MAG: variants seen among roughly 807,000 people sequenced by gnomAD.
MAG encodes the protein myelin-associated glycoprotein.
In MAG, 30 loss-of-function variants were observed where a neutral mutation model predicts 60.7. That is an observed-to-expected ratio of 0.49 (90% confidence interval 0.37 to 0.67). The LOEUF (loss-of-function observed/expected upper bound fraction) is 0.67, where lower values mean the gene tolerates loss of function less well. Ranked by LOEUF, MAG falls within the 30% of genes least tolerant of loss-of-function variation. MAG has a pLI of 0.00. For synonymous variants in MAG, 384 were observed against 376.8 expected (o/e 1.02, Z -0.22); for missense variants, 795 against 851.7 (o/e 0.93, Z 0.83).
chr19:35,300,346 C>T lies in MAG; in HGVS notation c.912C>T (p.Ala304=). 2 of 1,598,210 alleles carry T rather than the reference C, an allele frequency of 1.3e-6. No homozygotes were observed. The highest frequency in any genetic ancestry group is 1.1e-5 in the South Asian group (1 of 90,972). The part of the protein sequence containing the change: ...EVTPAEDGVY[A]CLAENAYGQD... ...CCCCCGCCGAAGACGGCGTCTATGC[C>T]TGCCTGGCCGAGAATGCCTATGGCC... The change falls in exon 6 of 11, where the codon GCC becomes GCT. Residue 304 remains alanine, a synonymous_variant. Coordinates refer to ENST00000392213, the MANE Select transcript of MAG (RefSeq NM_002361.4).
In MAG at chr19:35,295,527, C is replaced by A. The variant is rs2145604337; in HGVS notation, c.46+73C>A. On this transcript the variant is annotated intron_variant, in intron 3 of 10. Coordinates refer to ENST00000392213, the MANE Select transcript of MAG (RefSeq NM_002361.4). The surrounding 1 kb of genome is among the most constrained non-coding windows in gnomAD (Gnocchi z 5.8). ...AGGTTGGAGGTGGGTCCCCGCAGCC[C>A]CCCGGCATGTGGTTGGGGATGGGAG... The A allele has an allele frequency of 6.2e-7, 1 of 1,607,322 alleles. No homozygotes were observed. Among genetic ancestry groups the A allele is most frequent in the Non-Finnish European group, 8.5e-7 (1 of 1,176,602 alleles).
intron 7 of MAG, among the ~76,000 whole-genome samples, chr19:35,304,092 C>T (rs569452167): frequency 2.4e-4 from 37 of 152,286 alleles, no homozygotes; most frequent in African/African-American, 7.0e-4. Context: ...GTGTACATGG[C>T]GACAATCAGT....
At position 35,313,726 on chromosome 19, in the gene MAG, A is replaced by G. The variant is rs200053686; in HGVS notation, c.*272A>G. 1.5e-5 allele frequency: 5 copies of G among 335,596 alleles called. No individual in the cohort carries two copies. In the South Asian group the frequency reaches 3.5e-4, roughly 24 times the overall value. 20.8% of individuals were successfully genotyped at this position (335,596 alleles called of 1,614,324 possible). On this transcript the variant is annotated 3_prime_UTR_variant, in exon 11 of 11. Transcript: ENST00000392213. ...CTGTCTGTCCGTGTTATTTATTGCTACTTCCTGCCTGGTCTCCTGCCCCCA... is the reference window on the plus strand; with the variant it reads ...CTGTCTGTCCGTGTTATTTATTGCTGCTTCCTGCCTGGTCTCCTGCCCCCA...
chr19:35,296,078 T>C, intron 4 of MAG, 97 bp downstream of exon 4: 1 of 1,474,760 alleles, frequency 6.8e-7, no homozygotes, highest in Non-Finnish European at 9.0e-7. Context: ...CCAGCAGGCC[T>C]GGATGGCAGA....
Position 35,292,215 on chromosome 19 carries a change from TG to T in MAG, c.-80+13del. 2.2e-6 allele frequency: 1 copy of T among 455,714 alleles called. No individual in the cohort carries two copies. The highest frequency in any genetic ancestry group is 1.5e-5 in the South Asian group (1 of 64,532). 28.2% of individuals were successfully genotyped at this position (455,714 alleles called of 1,614,324 possible). The stretch of plus-strand genomic sequence containing the variant: ...AGCAACTGAGTCCAAGTGAGTATGG[TG>T]GCAGGGAGGCCAGGGCAAGGGGAGC... On this transcript the variant is annotated intron_variant, in intron 1 of 10. Coordinates refer to ENST00000392213, the MANE Select transcript of MAG (RefSeq NM_002361.4).
At chr19:35,298,710 A>G (rs1240778137) in intron 4 of MAG, among the ~76,000 whole-genome samples, 1 of 149,436 alleles carries the variant, frequency 6.7e-6, no homozygotes, top group East Asian at 2.0e-4. Context: ...CACTCACACC[A>G]CACAAACCAC....
At chr19:35,294,193 A>G (rs1417731463) in intron 1 of MAG, 42 bp from the exon 2 acceptor site, 7 of 397,310 alleles carry the variant, frequency 1.8e-5, no homozygotes, top group Non-Finnish European at 3.5e-5. Flanking sequence ...TGGGTGCCTC[A>G]ATCCCGCCCC....
chr19:35,297,872 A>C (rs28971392), intron 4 of MAG, among the ~76,000 whole-genome samples: 9,833 of 145,032 alleles, frequency 0.068, 757 homozygotes, highest in African/African-American at 0.2. Flanking sequence ...CACACACACA[A>C]CACACCAAAC....
At chr19:35,300,015 C>G in intron 5 of MAG, 132 bp from the exon 6 acceptor site, 1 of 1,203,626 alleles carries the variant, frequency 8.3e-7, no homozygotes. Context: ...GGGGCGGAAC[C>G]AGGCAGTCCT....
Position 35,295,930 on chromosome 19 carries a change from G to A in MAG, c.364G>A (p.Gly122Ser). ...GGKYYFRGDL[G>S]GYNQYTFSEH... ...GAAGTACTACTTCCGTGGGGACCTGGGCGGCTACAACCAGTACACCTTCTC... is the reference window on the plus strand; with the variant it reads ...GAAGTACTACTTCCGTGGGGACCTGAGCGGCTACAACCAGTACACCTTCTC... The change falls in exon 4 of 11, where the codon GGC becomes AGC. Residue 122 changes from glycine (G) to serine (S), a missense_variant. Gly to Ser is a moderately conservative substitution (Grantham distance 56). Coordinates refer to ENST00000392213, the MANE Select transcript of MAG (RefSeq NM_002361.4). The surrounding 1 kb of genome is among the most constrained non-coding windows in gnomAD (Gnocchi z 5.8). The A allele has an allele frequency of 6.2e-7, 1 of 1,613,096 alleles. No homozygotes were observed. Among genetic ancestry groups the A allele is most frequent in the Non-Finnish European group, 8.5e-7 (1 of 1,179,586 alleles).
At chr19:35,308,590 AGT>A (rs1351124392) in intron 7 of MAG, among the ~76,000 whole-genome samples, 7 of 152,214 alleles carry the variant, frequency 4.6e-5, no homozygotes, top group Non-Finnish European at 8.8e-5. Context: ...AAAACCCTCC[AGT>A]AACTATCATG....
At chr19:35,296,050 G>T in intron 4 of MAG, 69 bp downstream of exon 4, 1 of 1,510,054 alleles carries the variant, frequency 6.6e-7, no homozygotes. Flanking sequence ...GTGGCCGGAA[G>T]GCCTCCCCGC....
At chr19:35,300,689 T>C (rs1007754581) in intron 6 of MAG, among the ~76,000 whole-genome samples, 1 of 152,230 alleles carries the variant, frequency 6.6e-6, no homozygotes, top group Non-Finnish European at 1.5e-5. Context: ...CTGGTTGTTC[T>C]GGGACTTGAT....
At chr19:35,300,706 C>T (rs2066442602) in intron 6 of MAG, among the ~76,000 whole-genome samples, 2 of 152,206 alleles carry the variant, frequency 1.3e-5, no homozygotes. Context: ...TGATGTGGGT[C>T]TGGTCCCAGG....
intron 7 of MAG, among the ~76,000 whole-genome samples, chr19:35,306,693 C>A (rs1014934537): frequency 1.3e-5 from 2 of 152,228 alleles, no homozygotes; most frequent in African/African-American, 4.8e-5. Flanking sequence ...CTGCCTTGGC[C>A]TCCCAAAGTG....
In MAG at chr19:35,293,199, G is replaced by A. The variant is rs960124257; in HGVS notation, c.-80+995G>A. On this transcript the variant is annotated intron_variant, in intron 1 of 10. Transcript: ENST00000392213. This position sits in a 1 kb window ranked among gnomAD's most constrained non-coding sequence, Gnocchi z 4.0. ...CAGGTGTCCATCGGCGCGTGTCTGA[G>A]TGGACGCGTCTATAGCCATCCTCAG... Among the ~76,000 whole-genome samples, 1 of 152,016 alleles carries A rather than the reference G, an allele frequency of 6.6e-6. No individual in the cohort carries two copies. Among genetic ancestry groups the A allele is most frequent in the Non-Finnish European group, 1.5e-5 (1 of 68,008 alleles).
rs140838142 is a variant in MAG at position 35,302,118 on chromosome 19, A to AG, written c.971-328dup. ...GCTAGAGCAATGCCTGTCACTCAGCAGGTTCTCAGTGAATGTTGGATGATC... is the reference window on the plus strand; with the variant it reads ...GCTAGAGCAATGCCTGTCACTCAGCAGGGTTCTCAGTGAATGTTGGATGATC... On this transcript the variant is annotated intron_variant, in intron 6 of 10. Transcript: ENST00000392213. Among the ~76,000 whole-genome samples, 405 of 152,296 alleles carry AG rather than the reference A, an allele frequency of 2.7e-3. 2 individuals carry two copies. The highest frequency in any genetic ancestry group is 9.2e-3 in the African/African-American group (381 of 41,562).
intron 7 of MAG, among the ~76,000 whole-genome samples, chr19:35,307,029 C>T (rs977348637): frequency 9.8e-5 from 15 of 152,382 alleles, no homozygotes; most frequent in African/African-American, 3.6e-4. Flanking sequence ...GCACGTGCAC[C>T]GGCAGGGTGT....
Position 35,313,389 on chromosome 19 carries a change from C to T in MAG, c.1816C>T (p.Pro606Ser). ...TTCTCACTCGGACCTGGGGAAACGGCCCACCAAGGACAGCTACACGCTGAC... is the reference window on the plus strand; with the variant it reads ...TTCTCACTCGGACCTGGGGAAACGGTCCACCAAGGACAGCTACACGCTGAC... ...SYSHSDLGKR[P>S]TKDSYTLTEE... Residue 606 changes from proline (P) to serine (S), a missense_variant, in exon 11 of 11, where the codon CCC becomes TCC. Coordinates refer to ENST00000392213, the MANE Select transcript of MAG (RefSeq NM_002361.4). The T allele has an allele frequency of 6.2e-7, 1 of 1,614,058 alleles. No homozygotes were observed. The highest frequency in any genetic ancestry group is 8.5e-7 in the Non-Finnish European group (1 of 1,179,972).
Sources: allele counts gnomAD v4.1 joint callset (sites outside exome capture counted in the v4.1 genomes callset), GRCh38; gene constraint gnomAD v4.1.1; non-coding constraint Gnocchi (gnomAD v3.1); transcripts MANE v1.5; gene names NCBI Gene and HGNC (gene_info 2026-07-23, HGNC 2026-07-21).